Variants in EXOC6 observed in about 807,000 individuals in gnomAD.
EXOC6 encodes the protein exocyst complex component 6, also known as SEC15-like 1.
A neutral mutation model predicts 112.5 loss-of-function variants in EXOC6; 60 were observed. That is an observed-to-expected ratio of 0.53 (90% CI 0.43 to 0.66). The LOEUF (loss-of-function observed/expected upper bound fraction) is 0.66. Ranked by LOEUF, EXOC6 falls within the 30% of genes least tolerant of loss-of-function variation. The pLI, the probability that EXOC6 is intolerant of heterozygous loss-of-function variation, is 0.00. For missense variants in EXOC6, 855 were observed against 957.1 expected, an observed-to-expected ratio of 0.89 and a Z score of 1.41; for synonymous variants, 295 against 308.0, an observed-to-expected ratio of 0.96 and a Z score of 0.44.
rs1435108092 is a variant in EXOC6, at chr10:92,966,043, A to T, written c.1774-8010A>T. On this transcript the variant is annotated intron_variant, in intron 17 of 21. Coordinates refer to ENST00000260762, the MANE Select transcript of EXOC6 (RefSeq NM_019053.6). ...AAAATATTAGGTACCCTTCCCCGAA[A>T]GTTTTTTAACATCTTGAGAAAAGGT... 2.6e-5 allele frequency among the ~76,000 whole-genome samples: 4 copies of T among 152,202 alleles called. No homozygotes were observed. In the South Asian group the frequency reaches 6.2e-4, roughly 24 times the overall value.
chr10:92,929,058 G>A (rs1851876914), intron 9 of EXOC6, among the ~76,000 whole-genome samples: 1 of 152,214 alleles, frequency 6.6e-6, no homozygotes, highest in African/African-American at 2.4e-5. Context: ...CATGAGTTTT[G>A]ACGACATTGG....
At chr10:92,940,702 G>A in intron 12 of EXOC6, 25 bp from the exon 13 acceptor site, 1 of 1,107,822 alleles carries the variant, frequency 9.0e-7, no homozygotes, top group Non-Finnish European at 1.3e-6. Flanking sequence ...TTGTTTATCT[G>A]CTTTTTTTTT....
chr10:92,984,477 C>G (rs1230888647), intron 18 of EXOC6, among the ~76,000 whole-genome samples: 1 of 152,100 alleles, frequency 6.6e-6, no homozygotes. Flanking sequence ...GTTCCTTGCT[C>G]TCCTGTGGTA....
At position 92,920,036 on chromosome 10, in the gene EXOC6, A is replaced by G. The variant is rs768956810; in HGVS notation, c.874A>G (p.Ile292Val). The change falls in exon 8 of 22, where the codon ATT (isoleucine) becomes GTT (valine). Residue 292 changes from isoleucine (I) to valine (V), a missense_variant. Ile to Val is a conservative substitution (Grantham distance 29). Coordinates refer to ENST00000260762, the MANE Select transcript of EXOC6 (RefSeq NM_019053.6). Reference sequence around the variant, plus strand: ...TTCCCCTGTTTATCGATGTTTGCACATTTATTCTGTTTTGGTAAGTATGTT... The same window carrying G: ...TTCCCCTGTTTATCGATGTTTGCACGTTTATTCTGTTTTGGTAAGTATGTT... ...DFSPVYRCLH[I>V]YSVLGDEETF... 7.5e-6 allele frequency: 12 copies of G among 1,601,960 alleles called. No homozygotes were observed. The South Asian group carries it at 1.3e-4, about 18-fold the overall frequency.
chr10:93,011,136 A>G (rs1434323009), intron 19 of EXOC6, among the ~76,000 whole-genome samples: 1 of 151,674 alleles, frequency 6.6e-6, no homozygotes, highest in Non-Finnish European at 1.5e-5. Context: ...GTATATGTGT[A>G]TCTATCCATG....
At chr10:92,963,995 C>T (rs1042961096) in intron 17 of EXOC6, among the ~76,000 whole-genome samples, 4 of 150,892 alleles carry the variant, frequency 2.7e-5, no homozygotes, top group African/African-American at 9.7e-5. Context: ...AAGCCTAATA[C>T]TCTTTTTTAA....
chr10:92,923,140 A>G (rs1046003837), intron 8 of EXOC6, among the ~76,000 whole-genome samples: 2 of 152,168 alleles, frequency 1.3e-5, no homozygotes, highest in South Asian at 2.1e-4. Context: ...TTCCTTGCCT[A>G]GATTAGGACA....
intron 4 of EXOC6, 39 bp from the exon 5 acceptor site, chr10:92,899,560 T>C (rs1187235200): frequency 7.1e-7 from 1 of 1,411,250 alleles, no homozygotes; most frequent in Non-Finnish European, 9.7e-7. Flanking sequence ...ATATTTTCTT[T>C]TCATTTTGAA....
chr10:92,935,637 C>T (rs1232913162), intron 11 of EXOC6, among the ~76,000 whole-genome samples, 177 bp from the exon 12 acceptor site: 2 of 152,036 alleles, frequency 1.3e-5, no homozygotes, highest in African/African-American at 2.4e-5. Flanking sequence ...TCCCTCTAAA[C>T]GTTTATACTG....
At chr10:92,976,479 A>G (rs1372876421) in intron 18 of EXOC6, among the ~76,000 whole-genome samples, 1 of 151,752 alleles carries the variant, frequency 6.6e-6, no homozygotes, top group Admixed American at 6.6e-5. Flanking sequence ...GCTCGTTAAG[A>G]GTCATCACCA....
At chr10:92,881,122 C>T (rs924100762) in intron 1 of EXOC6, among the ~76,000 whole-genome samples, 2 of 152,178 alleles carry the variant, frequency 1.3e-5, no homozygotes, top group Non-Finnish European at 2.9e-5. Context: ...GGCTCGCCCA[C>T]ATTGCTGGCA....
chr10:92,988,638 A>C (rs1418982598), intron 18 of EXOC6, among the ~76,000 whole-genome samples: 2 of 152,154 alleles, frequency 1.3e-5, no homozygotes, highest in African/African-American at 4.8e-5. Context: ...AGGCTAGCAA[A>C]AAGAAAATTA....
At chr10:92,829,906 A>C (rs1210831532), upstream of EXOC6, among the ~76,000 whole-genome samples, 1 of 152,180 alleles carries the variant, frequency 6.6e-6, no homozygotes, top group African/African-American at 2.4e-5. Flanking sequence ...CACCAGCACC[A>C]TGACAATTTA....
intron 18 of EXOC6, among the ~76,000 whole-genome samples, chr10:92,989,359 A>G (rs759659730): frequency 7.9e-5 from 12 of 152,236 alleles, no homozygotes; most frequent in South Asian, 2.1e-4. Flanking sequence ...GGTGCAATCT[A>G]TTATTCTCAG....
At chr10:93,017,821 C>T (rs889507685) in intron 20 of EXOC6, among the ~76,000 whole-genome samples, 9 of 151,858 alleles carry the variant, frequency 5.9e-5, no homozygotes, top group African/African-American at 2.2e-4. Flanking sequence ...ACCGTCCTGG[C>T]TAACACAGTG....
At chr10:92,910,522 C>G (rs1321238022) in intron 6 of EXOC6, among the ~76,000 whole-genome samples, 1 of 151,812 alleles carries the variant, frequency 6.6e-6, no homozygotes. Flanking sequence ...ATGTTTTATA[C>G]CATGATAAAA....
chr10:92,845,390 T>C (rs754932418), upstream of EXOC6, among the ~76,000 whole-genome samples: 9 of 151,606 alleles, frequency 5.9e-5, no homozygotes, highest in African/African-American at 1.9e-4. Flanking sequence ...CCATCTCTAC[T>C]ATAAATACAA....
At chr10:92,950,183 T>A (rs1012172295) in intron 14 of EXOC6, among the ~76,000 whole-genome samples, 20 of 152,140 alleles carry the variant, frequency 1.3e-4, no homozygotes, top group Non-Finnish European at 2.1e-4. Context: ...GAAAAATAAA[T>A]CTCATAAATT....
At chr10:92,858,569 C>A (rs771359437) in intron 1 of EXOC6, among the ~76,000 whole-genome samples, 2 of 152,156 alleles carry the variant, frequency 1.3e-5, no homozygotes, top group African/African-American at 2.4e-5. Flanking sequence ...ATGTTACTGA[C>A]TTTTCAACTC....
Sources: allele counts gnomAD v4.1 joint callset (sites outside exome capture counted in the v4.1 genomes callset), GRCh38; gene constraint gnomAD v4.1.1; transcripts MANE v1.5; gene names NCBI Gene and HGNC (gene_info 2026-07-23, HGNC 2026-07-21).